PTPRG: variants seen among roughly 807,000 people sequenced by gnomAD.
PTPRG encodes protein tyrosine phosphatase receptor type G, also known as receptor-type tyrosine-protein phosphatase gamma.
A neutral mutation model predicts 165.3 loss-of-function variants in PTPRG; 102 were observed. That is an observed-to-expected ratio of 0.62 (90% CI 0.53 to 0.73). PTPRG has a LOEUF of 0.73. PTPRG is among the 30% of genes least tolerant of loss of function. The pLI is 0.00. For synonymous variants in PTPRG, 675 were observed against 669.5 expected (o/e 1.01, Z -0.13); for missense variants, 1,866 against 1,861.4 (o/e 1.00, Z -0.05).
chr3:61,979,841 C>T (rs748559960), intron 2 of PTPRG, among the ~76,000 whole-genome samples: 18 of 152,190 alleles, frequency 1.2e-4, no homozygotes, highest in Non-Finnish European at 2.2e-4. Flanking sequence ...ATCCTGTCTG[C>T]ACCCTGTGAA....
At chr3:61,634,519 G>A (rs780387106) in intron 1 of PTPRG, among the ~76,000 whole-genome samples, 10 of 151,914 alleles carry the variant, frequency 6.6e-5, no homozygotes, top group South Asian at 4.2e-4. Flanking sequence ...TTACAGGCGC[G>A]TGAGCCACCG....
intron 2 of PTPRG, among the ~76,000 whole-genome samples, chr3:61,902,013 A>G (rs1255798219): frequency 3.3e-5 from 5 of 152,204 alleles, no homozygotes; most frequent in Non-Finnish European, 7.3e-5. Flanking sequence ...AATAAAGAGC[A>G]TATTGGATGG....
At chr3:61,834,718 C>T (rs1410613798) in intron 2 of PTPRG, among the ~76,000 whole-genome samples, 2 of 152,162 alleles carry the variant, frequency 1.3e-5, no homozygotes, top group African/African-American at 4.8e-5. Flanking sequence ...GAAGCTGAGG[C>T]AGGAGAATTG....
intron 2 of PTPRG, among the ~76,000 whole-genome samples, chr3:61,917,895 G>A (rs568233248): frequency 6.6e-6 from 1 of 152,282 alleles, no homozygotes; most frequent in African/African-American, 2.4e-5. Context: ...TCACGCCGCT[G>A]CGATCTAGCC....
At chr3:61,743,122 GC>G in intron 1 of PTPRG, 1 of 1,337,720 alleles carries the variant, frequency 7.5e-7, no homozygotes, top group Non-Finnish European at 1.1e-6. Context: ...CTCACGCCGC[GC>G]TAACCGGAAA....
At chr3:62,029,446 C>G (rs986613) in intron 4 of PTPRG, among the ~76,000 whole-genome samples, 1 of 151,934 alleles carries the variant, frequency 6.6e-6, no homozygotes. Flanking sequence ...ACATTCCTAG[C>G]GCACCCTTAA....
chr3:61,725,917 G>A (rs1325003530), intron 1 of PTPRG, among the ~76,000 whole-genome samples: 1 of 152,134 alleles, frequency 6.6e-6, no homozygotes, highest in Admixed American at 6.5e-5. Context: ...CAGCAGGAGA[G>A]TTCTCTGATC....
At chr3:61,811,463 T>C (rs1270807123) in intron 2 of PTPRG, among the ~76,000 whole-genome samples, 1 of 152,194 alleles carries the variant, frequency 6.6e-6, no homozygotes, top group Non-Finnish European at 1.5e-5. Flanking sequence ...AGCAGACAAG[T>C]TGACTAATAT....
At chr3:62,000,745 A>G (rs1374469459) in intron 3 of PTPRG, among the ~76,000 whole-genome samples, 4 of 152,220 alleles carry the variant, frequency 2.6e-5, no homozygotes, top group Non-Finnish European at 5.9e-5. Flanking sequence ...ACTTTCTCTG[A>G]AAACAGAGAG....
At chr3:62,032,157 G>A (rs1452260349) in intron 4 of PTPRG, among the ~76,000 whole-genome samples, 3 of 152,194 alleles carry the variant, frequency 2.0e-5, no homozygotes, top group Admixed American at 2.0e-4. Flanking sequence ...AGATGGGCCT[G>A]CAGAGAACAC....
At chr3:61,844,646 C>T (rs552343584) in intron 2 of PTPRG, among the ~76,000 whole-genome samples, 12 of 147,356 alleles carry the variant, frequency 8.1e-5, no homozygotes, top group South Asian at 4.3e-4. Flanking sequence ...AGGTGTACGC[C>T]GCCACATCTG....
chr3:61,743,041 C>T (rs1476574320), intron 1 of PTPRG: 6 of 1,596,458 alleles, frequency 3.8e-6, no homozygotes, highest in South Asian at 2.2e-5. Flanking sequence ...GCGGCGCTTG[C>T]GCTGGTTCCG....
intron 7 of PTPRG, among the ~76,000 whole-genome samples, chr3:62,158,438 C>T (rs1469735470): frequency 6.6e-6 from 1 of 152,202 alleles, no homozygotes; most frequent in Admixed American, 6.5e-5. Flanking sequence ...AAATGACCAC[C>T]TCCTCCAGTC....
intron 1 of PTPRG, among the ~76,000 whole-genome samples, chr3:61,636,053 A>G (rs1019216309): frequency 2.0e-5 from 3 of 152,180 alleles, no homozygotes; most frequent in Admixed American, 6.5e-5. Context: ...TCATTCTTGC[A>G]TAAATTCTTC....
At chr3:61,762,662 C>T (rs1285938749) in intron 2 of PTPRG, among the ~76,000 whole-genome samples, 3 of 152,078 alleles carry the variant, frequency 2.0e-5, no homozygotes, top group African/African-American at 4.8e-5. Flanking sequence ...GGATTTTTCT[C>T]CTAAATTCCC....
chr3:61,711,012 A>G (rs2031524205), intron 1 of PTPRG, among the ~76,000 whole-genome samples: 1 of 152,084 alleles, frequency 6.6e-6, no homozygotes, highest in Non-Finnish European at 1.5e-5. Context: ...ATGACTCAGA[A>G]CATGCAGTGT....
chr3:62,182,774 A>G (rs1030813658), intron 8 of PTPRG, among the ~76,000 whole-genome samples: 22 of 152,192 alleles, frequency 1.4e-4, no homozygotes, highest in African/African-American at 5.3e-4. Context: ...ATTCTGCCTC[A>G]GTCTCCCGAG....
chr3:61,903,524 C>G (rs959854541), intron 2 of PTPRG, among the ~76,000 whole-genome samples: 1 of 152,156 alleles, frequency 6.6e-6, no homozygotes, highest in African/African-American at 2.4e-5. Flanking sequence ...CAGGTGCCTA[C>G]CACTAAGCCT....
chr3:61,995,822 T>TAA (rs2041028824), intron 3 of PTPRG, among the ~76,000 whole-genome samples: 4 of 151,576 alleles, frequency 2.6e-5, no homozygotes, highest in African/African-American at 7.3e-5. Flanking sequence ...CAAGCTGGAG[T>TAA]GCAGTGGTGC....
Sources: gnomAD v4.1 joint callset for allele counts (sites outside exome capture counted in the v4.1 genomes callset) on GRCh38, gnomAD v4.1.1 for gene constraint, MANE v1.5 for transcripts, NCBI Gene and HGNC (gene_info 2026-07-23, HGNC 2026-07-21) for gene names.